CCDC7: variants seen among roughly 807,000 people sequenced by gnomAD.
The protein encoded by CCDC7 is coiled-coil domain-containing protein 7.
Under a neutral mutation model 196.9 loss-of-function variants are expected in CCDC7, and 183 were observed. The observed-to-expected ratio is 0.93, with a 90% CI of 0.82 to 1.05. CCDC7 has a LOEUF of 1.05. Among genes scored for constraint, CCDC7 ranks in the 50% least tolerant of loss-of-function variants. The pLI, the probability that CCDC7 is intolerant of heterozygous loss-of-function variation, is 0.00. For missense variants in CCDC7, 1,540 were observed against 1,482.2 expected, an observed-to-expected ratio of 1.04 and a Z score of -0.64; for synonymous variants, 525 against 484.6, an observed-to-expected ratio of 1.08 and a Z score of -1.10.
At chr10:32,447,059 G>A (rs183387298), upstream of CCDC7, among the ~76,000 whole-genome samples, 82 of 150,192 alleles carry the variant, frequency 5.5e-4, no homozygotes, top group African/African-American at 1.8e-3. Context: ...CTTTCCTCTT[G>A]ACCATGTTTT....
intron 9 of CCDC7, among the ~76,000 whole-genome samples, chr10:32,506,095 C>G (rs1213214575): frequency 6.6e-6 from 1 of 150,612 alleles, no homozygotes. Flanking sequence ...GTGCTCCTCA[C>G]TTCCCAGACA....
rs146607682 is a variant in CCDC7 at position 32,856,745 on chromosome 10, T to C, written c.4111+2256T>C. Among the ~76,000 whole-genome samples, 1,020 of 152,234 alleles carry C rather than the reference T, an allele frequency of 6.7e-3. 11 individuals carry two copies. The highest frequency in any genetic ancestry group is 0.022 in the African/African-American group (896 of 41,526). Reference sequence around the variant, plus strand: ...CTGAATTGCAATTGTACCCTGCTCATTGGGGCCTAAACCTCTGGAAAACCT... The same window carrying C: ...CTGAATTGCAATTGTACCCTGCTCACTGGGGCCTAAACCTCTGGAAAACCT... On this transcript the variant is annotated intron_variant, in intron 41 of 41. Transcript: ENST00000639629.
At chr10:32,578,619 G>C (rs893212172) in intron 16 of CCDC7, among the ~76,000 whole-genome samples, 4 of 151,742 alleles carry the variant, frequency 2.6e-5, no homozygotes, top group Admixed American at 6.6e-5. Context: ...AACTAATGCG[G>C]CTGCTGATCT....
chr10:32,663,468 C>T (rs1161857348), intron 20 of CCDC7, among the ~76,000 whole-genome samples: 2 of 152,082 alleles, frequency 1.3e-5, no homozygotes, highest in East Asian at 1.9e-4. Context: ...TATCTCTTTA[C>T]ATTTATTTCC....
intron 8 of CCDC7, among the ~76,000 whole-genome samples, chr10:32,486,383 G>A (rs376716414): frequency 3.7e-4 from 56 of 151,518 alleles, no homozygotes; most frequent in South Asian, 3.4e-3. Context: ...TTTTGAGCCT[G>A]TGTGTGTCTC....
chr10:32,828,699 G>A (rs533556074), intron 32 of CCDC7, among the ~76,000 whole-genome samples: 1 of 152,158 alleles, frequency 6.6e-6, no homozygotes, highest in Admixed American at 6.5e-5. Flanking sequence ...TACTTTGCAG[G>A]GCTGGGACAA....
At chr10:32,688,357 T>G (rs1410081286) in intron 22 of CCDC7, among the ~76,000 whole-genome samples, 1 of 152,202 alleles carries the variant, frequency 6.6e-6, no homozygotes, top group Non-Finnish European at 1.5e-5. Context: ...GAGTTAACAA[T>G]AGTTATTGGG....
At position 32,607,891 on chromosome 10, in the gene CCDC7, G is replaced by A. The variant is rs146156036; in HGVS notation, c.1801+23587G>A. The stretch of plus-strand genomic sequence containing the variant: ...AATAGTTTGAGAAGAATTGGTGTTA[G>A]TTTCTCTTTATGAGTTTGGTAGAAT... On this transcript the variant is annotated intron_variant, in intron 18 of 41. Coordinates refer to ENST00000639629, the Ensembl canonical transcript of CCDC7. Among the ~76,000 whole-genome samples the A allele has an allele frequency of 1.7e-3, 253 of 152,156 alleles. 2 individuals are homozygous for A. The highest frequency in any genetic ancestry group is 5.8e-3 in the African/African-American group (243 of 41,542).
intron 20 of CCDC7, among the ~76,000 whole-genome samples, chr10:32,656,218 T>A (rs1430513718): frequency 6.6e-6 from 1 of 152,196 alleles, no homozygotes; most frequent in Non-Finnish European, 1.5e-5. Flanking sequence ...TACCATCAGA[T>A]CCAGCAGTTC....
chr10:32,506,264 C>T (rs1434747988), intron 9 of CCDC7, among the ~76,000 whole-genome samples: 16 of 145,332 alleles, frequency 1.1e-4, no homozygotes, highest in East Asian at 2.1e-4. Flanking sequence ...ACGGGGCGGC[C>T]GGGCAGAGGC....
At chr10:32,719,791 G>A (rs1048663819) in intron 25 of CCDC7, among the ~76,000 whole-genome samples, 1 of 152,162 alleles carries the variant, frequency 6.6e-6, no homozygotes, top group African/African-American at 2.4e-5. Context: ...CTGGTCATTA[G>A]AGAAATGCAA....
intron 18 of CCDC7, among the ~76,000 whole-genome samples, chr10:32,596,869 C>G (rs975230808): frequency 1.3e-5 from 2 of 152,212 alleles, no homozygotes; most frequent in African/African-American, 4.8e-5. Flanking sequence ...TCTCTTCTGG[C>G]TTGTAGAGTT....
At chr10:32,514,118 A>T (rs2046660096) in intron 9 of CCDC7, 1 of 152,250 alleles carries the variant, frequency 6.6e-6, no homozygotes, top group African/African-American at 2.4e-5. Context: ...GAAGTAATGA[A>T]TGAATTCATC....
intron 28 of CCDC7, among the ~76,000 whole-genome samples, chr10:32,773,870 A>G (rs980751628): frequency 6.6e-6 from 1 of 152,118 alleles, no homozygotes; most frequent in Non-Finnish European, 1.5e-5. Flanking sequence ...TCTGGGGAAG[A>G]CTTATAGTGA....
chr10:32,535,132 C>T (rs111264522), intron 11 of CCDC7, among the ~76,000 whole-genome samples: 11,350 of 150,542 alleles, frequency 0.075, 521 homozygotes, highest in East Asian at 0.16. Flanking sequence ...TGAAAAACTC[C>T]GGGCAGATGG....
chr10:32,827,043 T>C (rs1422104427), intron 32 of CCDC7, among the ~76,000 whole-genome samples: 1 of 152,246 alleles, frequency 6.6e-6, no homozygotes, highest in Non-Finnish European at 1.5e-5. Flanking sequence ...TTGTATCCCA[T>C]GTGAGTGCTC....
chr10:32,809,703 G>A (rs944855641), intron 30 of CCDC7, among the ~76,000 whole-genome samples: 3 of 152,162 alleles, frequency 2.0e-5, no homozygotes, highest in Non-Finnish European at 2.9e-5. Context: ...AGTTAGAATG[G>A]CAATCATTAA....
chr10:32,448,022 G>C (rs76952297), upstream of CCDC7, among the ~76,000 whole-genome samples: 6,526 of 152,132 alleles, frequency 0.043, 143 homozygotes, highest in Middle Eastern at 0.065. Context: ...TCCTTCAAAT[G>C]GATTTTTAGT....
chr10:32,526,796 C>T (rs1478482890), intron 11 of CCDC7, among the ~76,000 whole-genome samples: 1 of 152,128 alleles, frequency 6.6e-6, no homozygotes, highest in African/African-American at 2.4e-5. Context: ...AGACAAAGTC[C>T]TCTTTACTCT....
Sources: gnomAD v4.1 joint callset for allele counts (sites outside exome capture counted in the v4.1 genomes callset) on GRCh38, gnomAD v4.1.1 for gene constraint, MANE v1.5 for transcripts, NCBI Gene and HGNC (gene_info 2026-07-23, HGNC 2026-07-21) for gene names.